The following ENPP6 variants were observed in gnomAD, a reference collection of about 807,000 sequenced individuals.
ENPP6 encodes the protein ectonucleotide pyrophosphatase/phosphodiesterase 6.
ENPP6 carries 32 observed loss-of-function variants against 42.0 expected under a neutral mutation model. The ratio of observed to expected loss-of-function variants is 0.76; its 90% CI spans 0.58 to 1.02. ENPP6 has a LOEUF of 1.02. Ranked by LOEUF, ENPP6 falls within the 50% of genes least tolerant of loss-of-function variation. The pLI, the probability that ENPP6 is intolerant of heterozygous loss-of-function variation, is 0.00. For synonymous variants in ENPP6, 213 were observed against 216.0 expected (o/e 0.99, Z 0.12); for missense variants, 552 against 566.8 (o/e 0.97, Z 0.27).
intron 1 of ENPP6, among the ~76,000 whole-genome samples, chr4:184,195,996 C>A (rs1426803511): frequency 6.6e-6 from 1 of 152,218 alleles, no homozygotes; most frequent in Non-Finnish European, 1.5e-5. Flanking sequence ...ACTCAACTCC[C>A]AGGCTCCATC....
chr4:184,111,156 C>T (rs1432965701), intron 6 of ENPP6, among the ~76,000 whole-genome samples: 1 of 152,178 alleles, frequency 6.6e-6, no homozygotes, highest in Non-Finnish European at 1.5e-5. Context: ...CGCTCTTATA[C>T]TCTCCCTCCC....
At chr4:184,135,221 T>C (rs1362626894) in intron 2 of ENPP6, among the ~76,000 whole-genome samples, 2 of 152,206 alleles carry the variant, frequency 1.3e-5, no homozygotes, top group Non-Finnish European at 2.9e-5. Flanking sequence ...ATGTTAATTA[T>C]GTTATGTAAA....
chr4:184,162,982 C>T (rs1045058920), intron 1 of ENPP6, among the ~76,000 whole-genome samples: 9 of 152,226 alleles, frequency 5.9e-5, no homozygotes. Flanking sequence ...CCTGCCTCTC[C>T]AGCCACTGTC....
At chr4:184,194,471 C>T (rs983792898) in intron 1 of ENPP6, among the ~76,000 whole-genome samples, 5 of 152,200 alleles carry the variant, frequency 3.3e-5, no homozygotes, top group African/African-American at 1.2e-4. Flanking sequence ...AGAGAGGCTA[C>T]ATAATTCGCA....
chr4:184,170,047 A>G (rs1737436183), intron 1 of ENPP6, among the ~76,000 whole-genome samples: 1 of 152,242 alleles, frequency 6.6e-6, no homozygotes, highest in Non-Finnish European at 1.5e-5. Flanking sequence ...AACAAAATGA[A>G]TATAACTATT....
chr4:184,163,556 CACA>C (rs1420785091), intron 1 of ENPP6, among the ~76,000 whole-genome samples: 2 of 151,986 alleles, frequency 1.3e-5, no homozygotes, highest in African/African-American at 4.8e-5. Flanking sequence ...TAAAAAAAAA[CACA>C]ACATTGTATT....
intron 2 of ENPP6, among the ~76,000 whole-genome samples, chr4:184,132,296 T>A (rs1190028626): frequency 1.3e-5 from 2 of 150,652 alleles, no homozygotes; most frequent in East Asian, 1.9e-4. Context: ...TTATTTTGCT[T>A]TTTTTTTTGC....
At chr4:184,161,855 A>T (rs1156320867) in intron 1 of ENPP6, among the ~76,000 whole-genome samples, 1 of 149,566 alleles carries the variant, frequency 6.7e-6, no homozygotes, top group Non-Finnish European at 1.5e-5. Context: ...CATAAGAAAG[A>T]TGTAATGGAC....
At chr4:184,144,443 C>T (rs918911053) in intron 2 of ENPP6, among the ~76,000 whole-genome samples, 1 of 152,190 alleles carries the variant, frequency 6.6e-6, no homozygotes, top group African/African-American at 2.4e-5. Context: ...ACGGCAGCCC[C>T]GCCACTCACT....
chr4:184,203,593 G>A (rs758796373), intron 1 of ENPP6, among the ~76,000 whole-genome samples: 1 of 152,230 alleles, frequency 6.6e-6, no homozygotes, highest in Non-Finnish European at 1.5e-5. Context: ...TGGAAGCAGA[G>A]GTTGGAGTGA....
At chr4:184,112,869 C>T (rs1736227300) in intron 5 of ENPP6, 60 bp from the exon 6 acceptor site, 3 of 1,509,584 alleles carry the variant, frequency 2.0e-6, no homozygotes, top group East Asian at 4.8e-5. Context: ...TGAATATTTA[C>T]TGGAGCTAGG....
At chr4:184,204,646 C>CTTTG in intron 1 of ENPP6, among the ~76,000 whole-genome samples, 1 of 152,332 alleles carries the variant, frequency 6.6e-6, no homozygotes. Context: ...TCATCTCCTA[C>CTTTG]TTTGACACAG....
intron 5 of ENPP6, among the ~76,000 whole-genome samples, chr4:184,115,985 G>A (rs1283487400): frequency 6.6e-6 from 1 of 152,128 alleles, no homozygotes; most frequent in Non-Finnish European, 1.5e-5. Flanking sequence ...GGAGGCCGAG[G>A]CAGGTGGATC....
At chr4:184,116,202 G>A (rs561973104) in intron 5 of ENPP6, among the ~76,000 whole-genome samples, 22 of 151,216 alleles carry the variant, frequency 1.5e-4, no homozygotes, top group African/African-American at 5.1e-4. Context: ...CAGCCTGGGC[G>A]ACAGAGCGAG....
At chr4:184,200,261 C>T (rs981803777) in intron 1 of ENPP6, among the ~76,000 whole-genome samples, 2 of 152,190 alleles carry the variant, frequency 1.3e-5, no homozygotes, top group South Asian at 2.1e-4. Context: ...GTGAGGACCC[C>T]ATTGACCAGC....
At chr4:184,189,132 T>C (rs113769682) in intron 1 of ENPP6, among the ~76,000 whole-genome samples, 152 of 152,250 alleles carry the variant, frequency 1.0e-3, no homozygotes, top group African/African-American at 3.5e-3. Context: ...GGAGTTGATA[T>C]AATAAATAGT....
intron 1 of ENPP6, among the ~76,000 whole-genome samples, chr4:184,187,697 A>G (rs563657118): frequency 6.6e-6 from 1 of 152,096 alleles, no homozygotes; most frequent in African/African-American, 2.4e-5. Flanking sequence ...AGAATTTATT[A>G]CCACCTGACA....
intron 3 of ENPP6, among the ~76,000 whole-genome samples, chr4:184,120,222 GGGA>G (rs1736394226): frequency 1.3e-5 from 2 of 152,172 alleles, no homozygotes; most frequent in South Asian, 4.1e-4. Flanking sequence ...GTACTCTACA[GGGA>G]GGAGGGTCCA....
At chr4:184,107,967 C>T (rs1560980028) in intron 6 of ENPP6, among the ~76,000 whole-genome samples, 2 of 151,904 alleles carry the variant, frequency 1.3e-5, no homozygotes, top group African/African-American at 2.4e-5. Context: ...TTCAGTGACG[C>T]CTCTCTAAGA....
Sources: gnomAD v4.1 joint callset for allele counts (sites outside exome capture counted in the v4.1 genomes callset) on GRCh38, gnomAD v4.1.1 for gene constraint, MANE v1.5 for transcripts, NCBI Gene and HGNC (gene_info 2026-07-23, HGNC 2026-07-21) for gene names.